The following FREM1 variants were observed in gnomAD, a reference collection of about 807,000 sequenced individuals.
The protein encoded by FREM1 is FRAS1 related extracellular matrix 1.
Under a neutral mutation model 210.1 loss-of-function variants are expected in FREM1, and 220 were observed. That is an observed-to-expected ratio of 1.05 (90% CI 0.94 to 1.17). The LOEUF (loss-of-function observed/expected upper bound fraction) is 1.17. Among genes scored for constraint, FREM1 ranks in the 50% most tolerant of loss-of-function variants. The pLI, the probability that FREM1 is intolerant of heterozygous loss-of-function variation, is 0.00. For missense variants in FREM1, 3,454 were observed against 2,675.5 expected (o/e 1.29, Z -6.42); for synonymous variants, 1,189 against 980.2 (o/e 1.21, Z -3.98).
chr9:14,880,545 A>C (rs1054805891), intron 1 of FREM1, among the ~76,000 whole-genome samples: 1 of 149,486 alleles, frequency 6.7e-6, no homozygotes, highest in African/African-American at 2.5e-5. Context: ...CAAAGGGTGC[A>C]GTGGGCCGAG....
At chr9:14,848,978 T>G (rs1057508906) in intron 6 of FREM1, among the ~76,000 whole-genome samples, 1 of 152,232 alleles carries the variant, frequency 6.6e-6, no homozygotes, top group African/African-American at 2.4e-5. Context: ...TTTTTAAATT[T>G]TCTTCTACAT....
At chr9:14,881,586 G>T (rs922498221) in intron 1 of FREM1, among the ~76,000 whole-genome samples, 5 of 151,250 alleles carry the variant, frequency 3.3e-5, no homozygotes, top group South Asian at 2.1e-4. Context: ...CAGATAGATT[G>T]TTAAAATAAT....
rs146035243 is a variant in FREM1, at chr9:14,866,692, T to A, written c.234+2052A>T. ...CCACTTCTAAATAAATGTTGAATGA[T>A]TTTTAAAAATATATTGATTGGAAGA... On this transcript the variant is annotated intron_variant, in intron 2 of 36. Transcript: ENST00000380880. Among the ~76,000 whole-genome samples, 606 of 152,294 alleles carry A rather than the reference T, an allele frequency of 4.0e-3. 4 individuals carry two copies. Among genetic ancestry groups the A allele is most frequent in the African/African-American group, 0.014 (572 of 41,552 alleles).
Position 14,863,847 on chromosome 9 carries a change from T to C in FREM1, c.291A>G (p.Pro97=). 1 of 1,613,432 alleles carries C rather than the reference T, an allele frequency of 6.2e-7. No individual in the cohort carries two copies. The highest frequency in any genetic ancestry group is 8.5e-7 in the Non-Finnish European group (1 of 1,179,442). ...NEVKYVHNGC[P]ILDEDTVKLR... Reference sequence around the variant, plus strand: ...GCTTCACTGTGTCTTCATCAAGAATTGGACAACCATTGTGAACATACTTGA... The same window carrying C: ...GCTTCACTGTGTCTTCATCAAGAATCGGACAACCATTGTGAACATACTTGA... Residue 97 remains proline (P), a synonymous_variant, in exon 3 of 37, where the codon CCA becomes CCG. Coordinates refer to ENST00000380880, the MANE Select transcript of FREM1 (RefSeq NM_001379081.2).
At chr9:14,778,739 G>A (rs1010413224) in intron 24 of FREM1, among the ~76,000 whole-genome samples, 3 of 146,800 alleles carry the variant, frequency 2.0e-5, no homozygotes, top group Middle Eastern at 3.3e-3. Context: ...GGAAGGGAAG[G>A]GAAGGGAAGG....
At chr9:14,859,120 A>G in intron 4 of FREM1, 63 bp downstream of exon 4, 4 of 1,303,968 alleles carry the variant, frequency 3.1e-6, no homozygotes, top group Non-Finnish European at 4.2e-6. Flanking sequence ...GTGGAAGGTG[A>G]GCATGCATGG....
intron 29 of FREM1, among the ~76,000 whole-genome samples, chr9:14,755,575 C>G (rs1262662785): frequency 1.3e-5 from 2 of 152,208 alleles, no homozygotes. Flanking sequence ...GCTACCTGTC[C>G]CATCCACAGA....
In FREM1 at chr9:14,812,919, A is replaced by G; in HGVS notation, c.2786T>C (p.Val929Ala). 1 of 1,613,976 alleles carries G rather than the reference A, an allele frequency of 6.2e-7. No individual in the cohort carries two copies. The highest frequency in any genetic ancestry group is 8.5e-7 in the Non-Finnish European group (1 of 1,179,868). The change falls in exon 16 of 37, where the codon GTG (valine) becomes GCG (alanine). Residue 929 changes from valine to alanine, a missense_variant. Coordinates refer to ENST00000380880, the MANE Select transcript of FREM1 (RefSeq NM_001379081.2). ...VDSDNLKLMF[V>A]IAREPQHGVV... is the part of the protein sequence containing the mutation. Reference sequence around the variant, plus strand: ...CCCATGCTGAGGTTCGCGAGCAATCACAAACATCAACTTCAAGTTATCGCT... The same window carrying G: ...CCCATGCTGAGGTTCGCGAGCAATCGCAAACATCAACTTCAAGTTATCGCT...
chr9:14,737,542 C>T lies in FREM1; in HGVS notation c.6394G>A (p.Val2132Ile), dbSNP rs1840609682. 6.2e-7 allele frequency: 1 copy of T among 1,609,248 alleles called. No homozygotes were observed. The highest frequency in any genetic ancestry group is 8.5e-7 in the Non-Finnish European group (1 of 1,177,422). The change falls in exon 37 of 37, where the codon GTT becomes ATT. Residue 2132 changes from valine (V) to isoleucine (I), a missense_variant. Val to Ile is a conservative substitution (Grantham distance 29, BLOSUM62 3). Transcript: ENST00000380880. ...CCTCTTCTCCCATTGGTGAAGGCAA[C>T]AGGTTCACCACCGATCCACTCCCAG... is the stretch of plus-strand genomic sequence containing the variant. ...GHWEWIGGEP[V>I]AFTNGRRGPS...
chr9:14,851,210 G>C, intron 6 of FREM1, 74 bp downstream of exon 6: 3 of 1,075,348 alleles, frequency 2.8e-6, no homozygotes, highest in Non-Finnish European at 4.0e-6. Context: ...AGGAACCTGA[G>C]GGTTTAGGGT....
rs778272482 is a variant in FREM1 at position 14,842,514 on chromosome 9, C to T, written c.1540G>A (p.Val514Ile). The T allele has an allele frequency of 2.5e-5, 40 of 1,613,882 alleles. No individual in the cohort carries two copies. Among genetic ancestry groups the T allele is most frequent in the African/African-American group, 2.4e-4 (18 of 74,930 alleles). Residue 514 changes from valine to isoleucine, a missense_variant, in exon 9 of 37, where the codon GTC (valine) becomes ATC (isoleucine). Physicochemically the swap from Val to Ile is conservative, Grantham distance 29 (BLOSUM62 3). Transcript: ENST00000380880. ...HSIRHKFPIN[V>I]LPKDDSPPFL... ...GGGGGACTATCATCTTTGGGCAAGA[C>T]GTTGATGGGGAATTTGTGACGGATG...
chr9:14,774,249 G>A, intron 25 of FREM1: 1 of 480,582 alleles, frequency 2.1e-6, no homozygotes, highest in Non-Finnish European at 4.1e-6. Flanking sequence ...GTATTAGATG[G>A]GATTACGTTT....
chr9:14,876,675 G>A (rs547141769), intron 1 of FREM1, among the ~76,000 whole-genome samples: 6 of 152,214 alleles, frequency 3.9e-5, no homozygotes, highest in African/African-American at 9.6e-5. Context: ...AGCACAGTGC[G>A]CTGCACCCAC....
chr9:14,881,194 G>A (rs1363225456), intron 1 of FREM1, among the ~76,000 whole-genome samples: 3 of 152,270 alleles, frequency 2.0e-5, no homozygotes, highest in Non-Finnish European at 4.4e-5. Context: ...GAAACCCCAC[G>A]GATATCTTGT....
chr9:14,766,430 G>A (rs530455537), intron 27 of FREM1, among the ~76,000 whole-genome samples: 3 of 152,188 alleles, frequency 2.0e-5, no homozygotes, highest in South Asian at 2.1e-4. Flanking sequence ...GGTTTGCTGC[G>A]TAGGCTTCAT....
At chr9:14,803,226 CTT>C (rs1307782499) in intron 19 of FREM1, among the ~76,000 whole-genome samples, 2 of 102,220 alleles carry the variant, frequency 2.0e-5, no homozygotes, top group African/African-American at 6.7e-5. Flanking sequence ...TTTTCTTTCT[CTT>C]TCTTTCTCTC....
At chr9:14,837,753 G>A (rs1283627630) in intron 10 of FREM1, among the ~76,000 whole-genome samples, 1 of 152,172 alleles carries the variant, frequency 6.6e-6, no homozygotes. Context: ...CAGACTGCAG[G>A]AGAATAGAAA....
intron 3 of FREM1, among the ~76,000 whole-genome samples, chr9:14,860,720 CATAT>C (rs200736147): frequency 1.2e-5 from 1 of 86,624 alleles, no homozygotes; most frequent in African/African-American, 5.0e-5. Context: ...CATATATACA[CATAT>C]ATACACATAT....
At chr9:14,754,989 G>A (rs1004259354) in intron 29 of FREM1, among the ~76,000 whole-genome samples, 6 of 152,124 alleles carry the variant, frequency 3.9e-5, no homozygotes, top group East Asian at 1.9e-4. Flanking sequence ...CAAGGAGAAC[G>A]CTACGTGAAG....
Sources: gnomAD v4.1 joint callset for allele counts (sites outside exome capture counted in the v4.1 genomes callset) on GRCh38, gnomAD v4.1.1 for gene constraint, MANE v1.5 for transcripts, NCBI Gene and HGNC (gene_info 2026-07-23, HGNC 2026-07-21) for gene names.